The following SLC13A1 variants were observed in gnomAD, a reference collection of about 807,000 sequenced individuals.
SLC13A1 encodes the protein solute carrier family 13 member 1.
A neutral mutation model predicts 70.0 loss-of-function variants in SLC13A1; 65 were observed. The observed-to-expected ratio is 0.93, with a 90% CI of 0.76 to 1.14. SLC13A1 has a LOEUF of 1.14. Ranked by LOEUF, SLC13A1 falls within the 50% of genes most tolerant of loss-of-function variation. The probability of loss-of-function intolerance (pLI) is 0.00; values close to 1 mark genes in which losing one functional copy is unlikely to be tolerated. For synonymous variants in SLC13A1, 275 were observed against 250.5 expected, an observed-to-expected ratio of 1.10 and a Z score of -0.92; for missense variants, 726 against 717.8, an observed-to-expected ratio of 1.01 and a Z score of -0.13.
At chr7:123,168,308 T>A (rs1241806859) in intron 6 of SLC13A1, 66 bp downstream of exon 6, 1 of 1,053,962 alleles carries the variant, frequency 9.5e-7, no homozygotes, top group African/African-American at 1.6e-5. Context: ...AAAATGCATA[T>A]GTATCTAACT....
chr7:123,115,508 T>C lies in SLC13A1; in HGVS notation c.*10A>G. The C allele has an allele frequency of 6.2e-7, 1 of 1,603,598 alleles. No individual in the cohort carries two copies. Among genetic ancestry groups the C allele is most frequent in the Non-Finnish European group, 8.5e-7 (1 of 1,173,648 alleles). ...AAATTACCGCAAGATAGTCAGAAATTTTGTGCTTATTATGGCATGGTCTCA... is the reference window on the plus strand; with the variant it reads ...AAATTACCGCAAGATAGTCAGAAATCTTGTGCTTATTATGGCATGGTCTCA... On this transcript the variant is annotated 3_prime_UTR_variant, in exon 15 of 15. Transcript: ENST00000194130.
At position 123,122,995 on chromosome 7, in the gene SLC13A1, T is replaced by G. The variant is rs188917426; in HGVS notation, c.1350+131A>C. On this transcript the variant is annotated intron_variant, in intron 12 of 14. Coordinates refer to ENST00000194130, the MANE Select transcript of SLC13A1 (RefSeq NM_022444.4). ...CATCTCATTTGTGTGGTATATTCAC[T>G]GCATAGCTAGCAAAATTTGCAACAT... 925 of 686,208 alleles carry G rather than the reference T, an allele frequency of 1.3e-3. 2 individuals are homozygous for G. Among genetic ancestry groups the G allele is most frequent in the Non-Finnish European group, 2.0e-3 (763 of 377,428 alleles). The allele number at this position is 686,208 out of a possible 1,614,324, so 42.5% of individuals were successfully genotyped here. A position where few individuals can be genotyped will look rare whatever the true frequency, so the allele number is the denominator to read the frequency against.
At position 123,137,310 on chromosome 7, in the gene SLC13A1, A is replaced by C. The variant is rs1460141226; in HGVS notation, c.813-2781T>G. On this transcript the variant is annotated intron_variant, in intron 7 of 14. Transcript: ENST00000194130. ...TTCTGTGTGGATGGAATCTGTGAAT[A>C]TGATGAGATATCACTCCTGTGATTA... 2.0e-5 allele frequency among the ~76,000 whole-genome samples: 3 copies of C among 152,184 alleles called. No individual in the cohort carries two copies. In the East Asian group the frequency reaches 5.8e-4, roughly 29 times the overall value.
chr7:123,197,172 G>T (rs1028464469), intron 1 of SLC13A1, among the ~76,000 whole-genome samples: 2 of 152,032 alleles, frequency 1.3e-5, no homozygotes, highest in African/African-American at 2.4e-5. Context: ...TTTCACTTTA[G>T]ATGGAATTAA....
chr7:123,133,022 C>T (rs1051483124), intron 8 of SLC13A1, among the ~76,000 whole-genome samples: 2 of 152,044 alleles, frequency 1.3e-5, no homozygotes, highest in Admixed American at 6.6e-5. Flanking sequence ...TGGCATCAGT[C>T]GGTCTTTATT....
intron 6 of SLC13A1, among the ~76,000 whole-genome samples, chr7:123,160,408 A>C (rs1383941967): frequency 6.6e-6 from 1 of 152,174 alleles, no homozygotes; most frequent in Non-Finnish European, 1.5e-5. Context: ...GAAACATTCT[A>C]AATGGGTTCA....
chr7:123,147,993 G>A (rs2116423027), intron 6 of SLC13A1, among the ~76,000 whole-genome samples: 1 of 152,146 alleles, frequency 6.6e-6, no homozygotes, highest in South Asian at 2.1e-4. Flanking sequence ...CACCTTAATG[G>A]ATGGTTCCCA....
At chr7:123,183,643 G>A (rs75145288) in intron 1 of SLC13A1, among the ~76,000 whole-genome samples, 1 of 152,214 alleles carries the variant, frequency 6.6e-6, no homozygotes, top group African/African-American at 2.4e-5. Context: ...AGCATAATCT[G>A]GGCACTTGTG....
chr7:123,168,631 T>C (rs751896657), intron 4 of SLC13A1, 70 bp from the exon 5 acceptor site: 3 of 1,113,132 alleles, frequency 2.7e-6, no homozygotes, highest in Non-Finnish European at 4.0e-6. Flanking sequence ...TGTGTGTGGA[T>C]GCGAAGATGG....
At chr7:123,163,966 G>C (rs777564756) in intron 6 of SLC13A1, among the ~76,000 whole-genome samples, 12 of 151,962 alleles carry the variant, frequency 7.9e-5, no homozygotes, top group Admixed American at 2.6e-4. Flanking sequence ...TTTGTGATAT[G>C]TACTAGATGG....
intron 13 of SLC13A1, 96 bp downstream of exon 13, chr7:123,118,985 C>G: frequency 8.6e-7 from 1 of 1,160,414 alleles, no homozygotes; most frequent in South Asian, 1.7e-5. Flanking sequence ...CCCATTTAGA[C>G]CAAAAGAGAT....
intron 6 of SLC13A1, among the ~76,000 whole-genome samples, chr7:123,161,912 A>T (rs1056786460): frequency 6.6e-6 from 1 of 152,090 alleles, no homozygotes; most frequent in East Asian, 1.9e-4. Flanking sequence ...TGTGGTATAC[A>T]TTATCTTATT....
At chr7:123,134,183 G>A (rs1488320929) in intron 8 of SLC13A1, among the ~76,000 whole-genome samples, 2 of 152,062 alleles carry the variant, frequency 1.3e-5, no homozygotes, top group Admixed American at 6.6e-5. Context: ...ATGAGCCACC[G>A]CAGCTGGCCC....
chr7:123,192,456 A>C (rs1294520703), intron 1 of SLC13A1, among the ~76,000 whole-genome samples: 1 of 152,162 alleles, frequency 6.6e-6, no homozygotes, highest in Non-Finnish European at 1.5e-5. Context: ...ATGGAATTAG[A>C]ATATAAGTTT....
At position 123,181,000 on chromosome 7, in the gene SLC13A1, GGGTAACATTAAACTAGGT is replaced by G; in HGVS notation, c.183_200del (p.Pro62_Pro67del). The stretch of plus-strand genomic sequence containing the variant: ...TCTTAGAAGGCATGATCCCAAACAT[GGGTAACATTAAACTAGGT>G]AGCAAAGCTGTTACCGACAGAGGCA... On this transcript the variant is annotated inframe_deletion, in exon 2 of 15. Transcript: ENST00000194130. 1 of 1,612,324 alleles carries G rather than the reference GGGTAACATTAAACTAGGT, an allele frequency of 6.2e-7. No individual in the cohort carries two copies.
intron 1 of SLC13A1, among the ~76,000 whole-genome samples, chr7:123,187,507 G>A (rs1288139127): frequency 6.6e-6 from 1 of 152,120 alleles, no homozygotes; most frequent in African/African-American, 2.4e-5. Flanking sequence ...GTTAAAGACT[G>A]ATGTTAAGGA....
intron 1 of SLC13A1, among the ~76,000 whole-genome samples, chr7:123,191,266 T>C (rs1021589337): frequency 1.3e-5 from 2 of 152,210 alleles, no homozygotes; most frequent in African/African-American, 2.4e-5. Context: ...AGCTGGGCAG[T>C]GTTTGCTTCC....
At chr7:123,144,622 A>G (rs1794287076) in intron 7 of SLC13A1, among the ~76,000 whole-genome samples, 2 of 152,136 alleles carry the variant, frequency 1.3e-5, no homozygotes, top group Admixed American at 1.3e-4. Flanking sequence ...AATGCCACAT[A>G]TATTACAAAA....
At chr7:123,187,014 C>T (rs748333858) in intron 1 of SLC13A1, among the ~76,000 whole-genome samples, 5 of 150,982 alleles carry the variant, frequency 3.3e-5, no homozygotes, top group Non-Finnish European at 5.9e-5. Context: ...CTCAAAAATA[C>T]TACTTTTCTA....
Sources: gnomAD v4.1 joint callset for allele counts (sites outside exome capture counted in the v4.1 genomes callset) on GRCh38, gnomAD v4.1.1 for gene constraint, MANE v1.5 for transcripts, NCBI Gene and HGNC (gene_info 2026-07-23, HGNC 2026-07-21) for gene names.